The following NUP107 variants were observed in gnomAD, a reference collection of about 807,000 sequenced individuals.
The protein encoded by NUP107 is nuclear pore complex protein Nup107.
In NUP107, 101 loss-of-function variants were observed where a neutral mutation model predicts 141.0. The observed-to-expected ratio is 0.72, with a 90% CI of 0.61 to 0.84. NUP107 has a LOEUF of 0.84. Ranked by LOEUF, NUP107 falls within the 40% of genes least tolerant of loss-of-function variation. The pLI is 0.00. For synonymous variants in NUP107, 319 were observed against 363.9 expected, an observed-to-expected ratio of 0.88 and a Z score of 1.41; for missense variants, 941 against 1,102.7, an observed-to-expected ratio of 0.85 and a Z score of 2.08.
Position 68,689,627 on chromosome 12 carries a change from T to A in NUP107, c.187+8T>A, listed in dbSNP as rs776680197. On this transcript the variant is annotated splice_region_variant and intron_variant, in intron 3 of 27. Transcript: ENST00000229179. The stretch of plus-strand genomic sequence containing the variant: ...GCTCATTTCGACAGCCTTGTAAGAT[T>A]TTTTGCTTTTAAAGCATTTAATAAT... 1 of 1,596,966 alleles carries A rather than the reference T, an allele frequency of 6.3e-7. No individual in the cohort carries two copies. Among genetic ancestry groups the A allele is most frequent in the African/African-American group, 1.3e-5 (1 of 74,310 alleles).
Position 68,717,722 on chromosome 12 carries a change from T to C in NUP107, c.1084-1619T>C, listed in dbSNP as rs140857413. Among the ~76,000 whole-genome samples the C allele has an allele frequency of 2.4e-3, 369 of 152,350 alleles. 2 individuals are homozygous for C. The highest frequency in any genetic ancestry group is 8.7e-3 in the African/African-American group (360 of 41,582). ...TCTAATCTACTTACTGTCTCTATGA[T>C]GTATAGGTAGAATCATACAATGTGC... On this transcript the variant is annotated intron_variant, in intron 12 of 27. Coordinates refer to ENST00000229179, the MANE Select transcript of NUP107 (RefSeq NM_020401.4).
Position 68,725,837 on chromosome 12 carries a change from G to GGTTTTTTTTT in NUP107, c.1576+41_1576+42insGTTTTTTTTT, listed in dbSNP as rs376106399. The GGTTTTTTTTT allele has an allele frequency of 8.0e-6, 5 of 621,680 alleles. 1 individual carries two copies. The highest frequency in any genetic ancestry group is 4.5e-4 in the Middle Eastern group (1 of 2,224). 38.5% of individuals were successfully genotyped at this position (621,680 alleles called of 1,614,324 possible). ...ATTTTACTTTGTGTTTTTTGTGTGTGTTTTTTTTTTTTTTTTTGAGACAAA... is the reference window on the plus strand; with the variant it reads ...ATTTTACTTTGTGTTTTTTGTGTGTGGTTTTTTTTTTTTTTTTTTTTTTTTTTGAGACAAA... On this transcript the variant is annotated intron_variant, in intron 18 of 27. Transcript: ENST00000229179.
intron 26 of NUP107, among the ~76,000 whole-genome samples, chr12:68,735,657 A>T (rs1055698779): frequency 1.3e-5 from 2 of 152,226 alleles, no homozygotes; most frequent in Admixed American, 6.5e-5. Context: ...CTCGAGTAGT[A>T]TCAGTAAGGC....
chr12:68,697,063 T>C, intron 6 of NUP107, 141 bp downstream of exon 6: 1 of 498,950 alleles, frequency 2.0e-6, no homozygotes. Flanking sequence ...AACTAGAGCA[T>C]CCCTGCGTCT....
chr12:68,694,644 G>A lies in NUP107; in HGVS notation c.449-2175G>A, dbSNP rs554475863. Among the ~76,000 whole-genome samples the A allele has an allele frequency of 2.6e-5, 4 of 152,360 alleles. No individual in the cohort carries two copies. The East Asian group carries it at 7.7e-4, about 29-fold the overall frequency. ...AGGCTGGACGCAGTGGCTGATGCCT[G>A]TAATCCCAGCAATTTGGGAGGCTGA... On this transcript the variant is annotated intron_variant, in intron 5 of 27. Transcript: ENST00000229179.
intron 12 of NUP107, among the ~76,000 whole-genome samples, chr12:68,718,338 A>G (rs891687904): frequency 1.3e-5 from 2 of 152,234 alleles, no homozygotes; most frequent in African/African-American, 2.4e-5. Context: ...ACAGGAGCCA[A>G]GAATGGGGAA....
intron 24 of NUP107, among the ~76,000 whole-genome samples, chr12:68,734,213 G>A (rs745481304): frequency 1.3e-5 from 2 of 152,162 alleles, no homozygotes; most frequent in Non-Finnish European, 2.9e-5. Flanking sequence ...GGGAGTTGAG[G>A]CTGCAGTGAG....
rs1293939872 is a variant in NUP107, at chr12:68,742,440, TAGG to T, written c.2757_2759del (p.Gly920del). 6.3e-7 allele frequency: 1 copy of T among 1,583,922 alleles called. No individual in the cohort carries two copies. The highest frequency in any genetic ancestry group is 8.6e-7 in the Non-Finnish European group (1 of 1,161,076). On this transcript the variant is annotated inframe_deletion, in exon 28 of 28. Transcript: ENST00000229179. ...CTCCTAGACCAGGGACTTGACCCAT[TAGG>T]GTATGAAATTCAGTTATAGTTTAAT... is the stretch of plus-strand genomic sequence containing the variant.
chr12:68,733,515 A>C lies in NUP107; in HGVS notation c.2165A>C (p.Glu722Ala). ...FVKIPQDSIA[E>A]IYNQCEEQGM... ...AAAATTCCTCAGGATTCTATAGCAG[A>C]AATCTATAATCAGTGCGAGGAACAA... The change falls in exon 24 of 28, where the codon GAA becomes GCA. Residue 722 changes from glutamate to alanine, a missense_variant. Transcript: ENST00000229179. 6.2e-7 allele frequency: 1 copy of C among 1,613,408 alleles called. No homozygotes were observed. Among genetic ancestry groups the C allele is most frequent in the African/African-American group, 1.3e-5 (1 of 75,038 alleles).
At chr12:68,740,382 T>G (rs1592526991) in intron 26 of NUP107, among the ~76,000 whole-genome samples, 2 of 152,306 alleles carry the variant, frequency 1.3e-5, no homozygotes, top group African/African-American at 4.8e-5. Flanking sequence ...AGAAAAGAAA[T>G]AAAGGTGCTT....
Position 68,693,091 on chromosome 12 carries a change from T to C in NUP107, c.448+979T>C, listed in dbSNP as rs1875894690. Among the ~76,000 whole-genome samples the C allele has an allele frequency of 2.7e-5, 4 of 150,922 alleles. No individual in the cohort carries two copies. In the East Asian group the frequency reaches 7.8e-4, roughly 29 times the overall value. On this transcript the variant is annotated intron_variant, in intron 5 of 27. Coordinates refer to ENST00000229179, the MANE Select transcript of NUP107 (RefSeq NM_020401.4). ...TTTATTTATTTATTTATTTATTTTT[T>C]TTTTTAGACGGAGTCTCACTCTGTT...
In NUP107 at chr12:68,742,396, C is replaced by T. The variant is rs1477651929; in HGVS notation, c.2712C>T (p.Leu904=). The change falls in exon 28 of 28, where the codon CTC becomes CTT. Residue 904 remains leucine, a synonymous_variant. Coordinates refer to ENST00000229179, the MANE Select transcript of NUP107 (RefSeq NM_020401.4). ...KEELRKLLQK[L]RESSLMLLDQ... is the part of the protein sequence containing the mutation. ...AGCTAAGGAAGTTGCTGCAGAAGCT[C>T]AGAGAGTCCTCTCTAATGCTCCTAG... 1 of 1,612,036 alleles carries T rather than the reference C, an allele frequency of 6.2e-7. No homozygotes were observed. Among genetic ancestry groups the T allele is most frequent in the Non-Finnish European group, 8.5e-7 (1 of 1,178,698 alleles).
rs777652120 is a variant in NUP107, at chr12:68,713,822, G to A, written c.969+14G>A. On this transcript the variant is annotated intron_variant, in intron 11 of 27. Coordinates refer to ENST00000229179, the MANE Select transcript of NUP107 (RefSeq NM_020401.4). ...GTCACTGAATTGGTAAATGTTCTTT[G>A]AAATGAAAGTTGCCTTCAAAGTTAA... The A allele has an allele frequency of 1.3e-6, 2 of 1,582,466 alleles. No homozygotes were observed. The highest frequency in any genetic ancestry group is 1.4e-5 in the African/African-American group (1 of 73,032).
intron 7 of NUP107, among the ~76,000 whole-genome samples, chr12:68,701,599 T>C (rs1194150117): frequency 6.6e-6 from 1 of 151,892 alleles, no homozygotes; most frequent in Non-Finnish European, 1.5e-5. Context: ...GGAGAATCGC[T>C]TGAACCTCGG....
intron 26 of NUP107, chr12:68,739,602 C>G (rs1302916949): frequency 6.6e-6 from 1 of 152,326 alleles, no homozygotes; most frequent in Non-Finnish European, 1.5e-5. Flanking sequence ...CTTTGGGAGG[C>G]TGAGGTGGGC....
At chr12:68,689,820 G>C in intron 3 of NUP107, 1 of 482,170 alleles carries the variant, frequency 2.1e-6, no homozygotes, top group South Asian at 3.0e-5. Flanking sequence ...TATGACATGG[G>C]TATTGTTGGC....
chr12:68,722,848 TC>T (rs928560161), intron 17 of NUP107, among the ~76,000 whole-genome samples: 2 of 152,202 alleles, frequency 1.3e-5, no homozygotes, highest in African/African-American at 4.8e-5. Context: ...TTTTAATCAT[TC>T]CCCTTTGGGT....
chr12:68,694,769 C>T (rs1468731147), intron 5 of NUP107, among the ~76,000 whole-genome samples: 2 of 152,100 alleles, frequency 1.3e-5, no homozygotes, highest in African/African-American at 4.8e-5. Flanking sequence ...GGCATGGTGG[C>T]GAATGCCTGT....
Position 68,742,572 on chromosome 12 carries a change from G to T in NUP107, c.*110G>T, listed in dbSNP as rs371571285. ...ATTACCATGTAAAATTTAGACATTT[G>T]AATTTTGTACTTTTCAGAATATTAT... is the stretch of plus-strand genomic sequence containing the variant. On this transcript the variant is annotated 3_prime_UTR_variant, in exon 28 of 28. Coordinates refer to ENST00000229179, the MANE Select transcript of NUP107 (RefSeq NM_020401.4). The T allele has an allele frequency of 1.8e-6, 1 of 541,504 alleles. No individual in the cohort carries two copies. Among genetic ancestry groups the T allele is most frequent in the East Asian group, 3.3e-5 (1 of 30,682 alleles). 33.5% of individuals were successfully genotyped at this position (541,504 alleles called of 1,614,324 possible). A position where few individuals can be genotyped will look rare whatever the true frequency, so the allele number is the denominator to read the frequency against.
Sources: allele counts gnomAD v4.1 joint callset (sites outside exome capture counted in the v4.1 genomes callset), GRCh38; gene constraint gnomAD v4.1.1; transcripts MANE v1.5; gene names NCBI Gene and HGNC (gene_info 2026-07-23, HGNC 2026-07-21).